KIAA2012: variants seen among roughly 807,000 people sequenced by gnomAD.
KIAA2012 encodes uncharacterized protein KIAA2012.
Under a neutral mutation model 150.6 loss-of-function variants are expected in KIAA2012, and 125 were observed. The ratio of observed to expected loss-of-function variants is 0.83; its 90% confidence interval spans 0.72 to 0.96. KIAA2012 has a LOEUF of 0.96. Ranked by LOEUF, KIAA2012 falls within the 40% of genes least tolerant of loss-of-function variation. KIAA2012 has a pLI of 0.00. For synonymous variants in KIAA2012, 462 were observed against 504.7 expected (o/e 0.92, Z 1.13); for missense variants, 1,219 against 1,354.9 (o/e 0.90, Z 1.57).
At chr2:202,160,940 C>T (rs1691640912) in intron 14 of KIAA2012, among the ~76,000 whole-genome samples, 1 of 152,186 alleles carries the variant, frequency 6.6e-6, no homozygotes, top group South Asian at 2.1e-4. Flanking sequence ...GCAGCACATG[C>T]TCCTCCATCC....
At chr2:202,153,468 A>G (rs577399857) in intron 13 of KIAA2012, among the ~76,000 whole-genome samples, 4 of 152,356 alleles carry the variant, frequency 2.6e-5, no homozygotes, top group East Asian at 1.9e-4. Flanking sequence ...TGCACCTGCT[A>G]TTCCCATAGC....
At chr2:202,086,738 A>G (rs1226159485) in intron 2 of KIAA2012, among the ~76,000 whole-genome samples, 1 of 152,150 alleles carries the variant, frequency 6.6e-6, no homozygotes, top group African/African-American at 2.4e-5. Context: ...TTTTATCTTG[A>G]ACCTTGAACC....
chr2:202,081,874 G>A (rs1413214408), intron 2 of KIAA2012, among the ~76,000 whole-genome samples: 1 of 152,116 alleles, frequency 6.6e-6, no homozygotes, highest in Non-Finnish European at 1.5e-5. Context: ...ATAATAACCA[G>A]ATCCTTTTGT....
intron 15 of KIAA2012, chr2:202,179,480 G>A (rs553190500): frequency 2.8e-6 from 2 of 706,562 alleles, no homozygotes; most frequent in Non-Finnish European, 5.4e-6. Context: ...GCGAAGTGTA[G>A]ACAAAGTGGA....
chr2:202,139,918 C>T (rs895779753), intron 13 of KIAA2012, among the ~76,000 whole-genome samples: 2 of 152,164 alleles, frequency 1.3e-5, no homozygotes, highest in African/African-American at 4.8e-5. Flanking sequence ...TCCAAAAGAG[C>T]TACTATCACC....
At chr2:202,153,105 C>A (rs1691459432) in intron 13 of KIAA2012, among the ~76,000 whole-genome samples, 1 of 152,216 alleles carries the variant, frequency 6.6e-6, no homozygotes, top group African/African-American at 2.4e-5. Flanking sequence ...CTCCCTCCTC[C>A]TTTGAATTGA....
chr2:202,190,173 G>A lies in KIAA2012; in HGVS notation c.2492-1G>A. 6.6e-7 allele frequency: 1 copy of A among 1,513,932 alleles called. No individual in the cohort carries two copies. The highest frequency in any genetic ancestry group is 8.8e-7 in the Non-Finnish European group (1 of 1,136,826). The allele number at this position is 1,513,932 out of a possible 1,614,324, so 93.8% of individuals were successfully genotyped here. A position where few individuals can be genotyped will look rare whatever the true frequency, so the allele number is the denominator to read the frequency against. ...CTCTATCCCCAATTGTTCTCCCCCA[G>A]GAAAGTCAAAGGACTCAAAGGCTAA... On this transcript the variant is annotated splice_acceptor_variant, in intron 18 of 23. Transcript: ENST00000498697. LOFTEE classifies it high-confidence loss of function.
At chr2:202,109,934 G>T in intron 10 of KIAA2012, 145 bp downstream of exon 10, 1 of 724,078 alleles carries the variant, frequency 1.4e-6, no homozygotes, top group Non-Finnish European at 2.1e-6. Context: ...GATGTCAGTG[G>T]GATTAATGTT....
At chr2:202,123,824 C>T (rs947868893) in intron 11 of KIAA2012, among the ~76,000 whole-genome samples, 15 of 152,076 alleles carry the variant, frequency 9.9e-5, no homozygotes, top group South Asian at 2.1e-4. Context: ...TATCTCACAC[C>T]TCCCTCTCCC....
At chr2:202,123,564 G>T (rs527731501) in intron 11 of KIAA2012, among the ~76,000 whole-genome samples, 22 of 152,272 alleles carry the variant, frequency 1.4e-4, no homozygotes, top group Non-Finnish European at 2.8e-4. Context: ...GCCCTGAGAT[G>T]CAGGAGCACC....
rs910699374 is a variant in KIAA2012, at chr2:202,196,756, T to G, written c.3188-44T>G. ...AGTTGGATCCGAAAATTGTTTTCCC[T>G]AAAAATGATCCCTGCTGAGCCCACC... is the stretch of plus-strand genomic sequence containing the variant. On this transcript the variant is annotated intron_variant, in intron 21 of 23. Coordinates refer to ENST00000498697, the MANE Select transcript of KIAA2012 (RefSeq NM_001277372.4). 10 of 1,522,382 alleles carry G rather than the reference T, an allele frequency of 6.6e-6. No homozygotes were observed. In the East Asian group the frequency reaches 2.0e-4, roughly 30 times the overall value. The allele number at this position is 1,522,382 out of a possible 1,614,324, so 94.3% of individuals were successfully genotyped here.
intron 15 of KIAA2012, among the ~76,000 whole-genome samples, chr2:202,166,813 G>A (rs866342453): frequency 6.6e-6 from 1 of 152,138 alleles, no homozygotes; most frequent in Non-Finnish European, 1.5e-5. Flanking sequence ...AGAATATCAT[G>A]AGTCTTAGAC....
chr2:202,195,445 C>T (rs533149985), intron 21 of KIAA2012, among the ~76,000 whole-genome samples: 31 of 151,854 alleles, frequency 2.0e-4, no homozygotes, highest in Non-Finnish European at 3.8e-4. Flanking sequence ...CACTTGAACC[C>T]AGGAGGCGGA....
intron 14 of KIAA2012, among the ~76,000 whole-genome samples, chr2:202,161,918 T>C (rs1317418093): frequency 6.6e-6 from 1 of 152,098 alleles, no homozygotes; most frequent in African/African-American, 2.4e-5. Flanking sequence ...GTCCCTCCAT[T>C]TGTTTTGCTC....
chr2:202,154,956 A>T (rs1178835981), intron 14 of KIAA2012, 146 bp downstream of exon 14: 1 of 957,220 alleles, frequency 1.0e-6, no homozygotes. Context: ...GGCAGTTTGT[A>T]GCAGATGAAG....
rs1331831209 is a variant in KIAA2012 at position 202,104,391 on chromosome 2, G to C, written c.1324+1277G>C. ...ATCAGGAGACAGTTGGCACTGAAAA[G>C]ATAGTTTGTTACTCACAGTTCCAAG... On this transcript the variant is annotated intron_variant, in intron 8 of 23. Coordinates refer to ENST00000498697, the MANE Select transcript of KIAA2012 (RefSeq NM_001277372.4). This position sits in a 1 kb window ranked among gnomAD's most constrained non-coding sequence, Gnocchi z 4.3. Among the ~76,000 whole-genome samples, 1 of 152,202 alleles carries C rather than the reference G, an allele frequency of 6.6e-6. No homozygotes were observed. The highest frequency in any genetic ancestry group is 1.5e-5 in the Non-Finnish European group (1 of 68,042).
intron 14 of KIAA2012, among the ~76,000 whole-genome samples, chr2:202,156,839 C>T (rs1464603543): frequency 6.6e-6 from 1 of 152,056 alleles, no homozygotes; most frequent in African/African-American, 2.4e-5. Flanking sequence ...GAGCCCAGAT[C>T]ACGCCACTGC....
In KIAA2012 at chr2:202,090,900, C is replaced by T; in HGVS notation, c.500C>T (p.Pro167Leu). 2.6e-6 allele frequency: 4 copies of T among 1,550,350 alleles called. No homozygotes were observed. ...CGAGGCCTCCTGCGGACTTGGCCCC[C>T]AGACGCCATGTATAGGCTCTGGTGC... The part of the protein sequence containing the change: ...YLRGLLRTWP[P>L]DAMYRLWCAG... Residue 167 changes from proline to leucine, a missense_variant, in exon 3 of 24, where the codon CCA becomes CTA. Pro to Leu is a moderately conservative substitution (Grantham distance 98). Transcript: ENST00000498697.
At chr2:202,121,576 T>C (rs1035901702) in intron 11 of KIAA2012, among the ~76,000 whole-genome samples, 1 of 152,210 alleles carries the variant, frequency 6.6e-6, no homozygotes. Flanking sequence ...GCTATGCATG[T>C]CATCTTGTTC....
Sources: allele counts gnomAD v4.1 joint callset (sites outside exome capture counted in the v4.1 genomes callset), GRCh38; gene constraint gnomAD v4.1.1; non-coding constraint Gnocchi (gnomAD v3.1); transcripts MANE v1.5; gene names NCBI Gene and HGNC (gene_info 2026-07-23, HGNC 2026-07-21).